ORC2: variants seen among roughly 807,000 people sequenced by gnomAD.
The protein encoded by ORC2 is origin recognition complex protein 2 homolog.
A neutral mutation model predicts 77.7 loss-of-function variants in ORC2; 37 were observed. That is an observed-to-expected ratio of 0.48 (90% CI 0.37 to 0.63). ORC2 has a LOEUF of 0.63. Among genes scored for constraint, ORC2 ranks in the 20% least tolerant of loss-of-function variants. The pLI is 0.00. For missense variants in ORC2, 557 were observed against 661.9 expected (o/e 0.84, Z 1.74); for synonymous variants, 201 against 229.5 (o/e 0.88, Z 1.12).
At chr2:200,914,484 AAAG>A (rs1409631461) in intron 15 of ORC2, among the ~76,000 whole-genome samples, 1 of 152,020 alleles carries the variant, frequency 6.6e-6, no homozygotes, top group Admixed American at 6.6e-5. Flanking sequence ...TATTTCTTCT[AAAG>A]AAAAATATAG....
At position 200,916,993 on chromosome 2, in the gene ORC2, C is replaced by CTTTTT. The variant is rs1165127308; in HGVS notation, c.1467-3006_1467-3002dup. ...ACAGGTGTGAGCCACTGTGCCCCACCTTTTTTTTTTTTTTTTTTTGAGACA... is the reference window on the plus strand; with the variant it reads ...ACAGGTGTGAGCCACTGTGCCCCACCTTTTTTTTTTTTTTTTTTTTTTTTGAGACA... On this transcript the variant is annotated intron_variant, in intron 15 of 17. Coordinates refer to ENST00000234296, the MANE Select transcript of ORC2 (RefSeq NM_006190.5). 3.8e-5 allele frequency among the ~76,000 whole-genome samples: 4 copies of CTTTTT among 105,580 alleles called. 1 individual carries two copies. Among genetic ancestry groups the CTTTTT allele is most frequent in the African/African-American group, 1.6e-4 (4 of 24,796 alleles). The allele number at this position is 105,580 out of a possible 152,430, so 69.3% of individuals were successfully genotyped here. A position where few individuals can be genotyped will look rare whatever the true frequency, so the allele number is the denominator to read the frequency against.
intron 15 of ORC2, among the ~76,000 whole-genome samples, chr2:200,916,224 T>C (rs1172331879): frequency 6.6e-6 from 1 of 152,194 alleles, no homozygotes; most frequent in Non-Finnish European, 1.5e-5. Flanking sequence ...GGCTCATGCC[T>C]GTAATCCCAG....
intron 2 of ORC2, among the ~76,000 whole-genome samples, 187 bp downstream of exon 2, chr2:200,959,205 G>A (rs1051516899): frequency 2.0e-5 from 3 of 152,006 alleles, no homozygotes; most frequent in African/African-American, 7.3e-5. Context: ...CTGGTTCTGA[G>A]CTCCTGGAAT....
chr2:200,942,603 TCA>T lies in ORC2; in HGVS notation c.421+80_421+81del, dbSNP rs1575173672. 7.6e-6 allele frequency: 5 copies of T among 655,520 alleles called. No homozygotes were observed. In the East Asian group the frequency reaches 1.5e-4, roughly 20 times the overall value. 40.6% of individuals were successfully genotyped at this position (655,520 alleles called of 1,614,324 possible). On this transcript the variant is annotated intron_variant, in intron 6 of 17. Transcript: ENST00000234296. Reference sequence around the variant, plus strand: ...AAAAGAAGAAAATATATATAAAAATTCACAAACAAGGAAAAAAGTAACATGCT... The same window carrying T: ...AAAAGAAGAAAATATATATAAAAATTCAAACAAGGAAAAAAGTAACATGCT...
intron 17 of ORC2, 67 bp downstream of exon 17, chr2:200,913,228 A>G (rs557248708): frequency 2.5e-6 from 3 of 1,199,900 alleles, no homozygotes; most frequent in Admixed American, 2.2e-5. Flanking sequence ...AGTCAAACAT[A>G]TATGTGTCCT....
intron 15 of ORC2, among the ~76,000 whole-genome samples, chr2:200,916,365 C>G (rs894311107): frequency 2.0e-5 from 3 of 151,980 alleles, no homozygotes; most frequent in Non-Finnish European, 2.9e-5. Context: ...TGCCTCTAGT[C>G]CCCGCTACTT....
chr2:200,938,212 A>T (rs1214083263), intron 7 of ORC2, among the ~76,000 whole-genome samples: 1 of 152,194 alleles, frequency 6.6e-6, no homozygotes, highest in Non-Finnish European at 1.5e-5. Context: ...TATTTTTAGC[A>T]GAGACAGGGT....
Position 200,913,354 on chromosome 2 carries a change from G to T in ORC2, c.1588C>A (p.Leu530Met). 1.2e-6 allele frequency: 2 copies of T among 1,601,590 alleles called. No homozygotes were observed. The highest frequency in any genetic ancestry group is 2.2e-5 in the South Asian group (2 of 90,944). Reference protein sequence around the residue: ...CREAFLVNSDLTLRAQLTEFR... With the variant: ...CREAFLVNSDMTLRAQLTEFR... The stretch of plus-strand genomic sequence containing the variant: ...TCAGTTAACTGGGCCCGGAGTGTCA[G>T]ATCACTATTGACGAGGAATGCCTCC... Residue 530 changes from leucine (L) to methionine (M), a missense_variant, in exon 17 of 18, where the codon CTG (leucine) becomes ATG (methionine). Coordinates refer to ENST00000234296, the MANE Select transcript of ORC2 (RefSeq NM_006190.5).
chr2:200,944,313 A>G (rs1305485953), intron 5 of ORC2, among the ~76,000 whole-genome samples: 3 of 152,064 alleles, frequency 2.0e-5, no homozygotes, highest in African/African-American at 7.3e-5. Context: ...AGCTGGGATT[A>G]CACATGTGTG....
intron 4 of ORC2, among the ~76,000 whole-genome samples, chr2:200,954,036 CTT>C (rs530284196): frequency 5.0e-5 from 7 of 140,380 alleles, no homozygotes; most frequent in Admixed American, 7.1e-5. Flanking sequence ...CTTTCTTTTT[CTT>C]TTTTTTTTTT....
chr2:200,928,783 C>T (rs2040887264), intron 11 of ORC2, among the ~76,000 whole-genome samples: 1 of 150,462 alleles, frequency 6.6e-6, no homozygotes, highest in African/African-American at 2.4e-5. Flanking sequence ...CACTGCACTT[C>T]AGCCTGGGCA....
At chr2:200,926,212 A>G (rs2040836351) in intron 12 of ORC2, among the ~76,000 whole-genome samples, 1 of 152,218 alleles carries the variant, frequency 6.6e-6, no homozygotes, top group Non-Finnish European at 1.5e-5. Flanking sequence ...CAAGAACATG[A>G]GAAACATTAG....
At position 200,910,550 on chromosome 2, in the gene ORC2, A is replaced by G. The variant is rs2040533712; in HGVS notation, c.*751T>C. 6.6e-6 allele frequency: 1 copy of G among 152,194 alleles called. No individual in the cohort carries two copies. The allele number at this position is 152,194 out of a possible 1,614,324, so 9.4% of individuals were successfully genotyped here. On this transcript the variant is annotated 3_prime_UTR_variant, in exon 18 of 18. Coordinates refer to ENST00000234296, the MANE Select transcript of ORC2 (RefSeq NM_006190.5). ...TTACTAAAATGTAATTCAGGATTTT[A>G]TTTCTCTAGCCTGGCTTCTCACTGG...
intron 17 of ORC2, 58 bp downstream of exon 17, chr2:200,913,237 C>A: frequency 7.6e-7 from 1 of 1,312,642 alleles, no homozygotes; most frequent in South Asian, 1.3e-5. Flanking sequence ...TATATGTGTC[C>A]TTAAGTAAAT....
intron 10 of ORC2, among the ~76,000 whole-genome samples, chr2:200,932,326 AT>A (rs1428163037): frequency 7.0e-6 from 1 of 143,522 alleles, no homozygotes; most frequent in Non-Finnish European, 1.5e-5. Flanking sequence ...ATGTACTTTC[AT>A]TTCAAACTTT....
intron 5 of ORC2, among the ~76,000 whole-genome samples, chr2:200,946,318 T>C (rs1040303107): frequency 6.6e-5 from 10 of 152,096 alleles, no homozygotes; most frequent in African/African-American, 2.4e-4. Flanking sequence ...CAGAATAACA[T>C]ATGATTTTCT....
intron 10 of ORC2, among the ~76,000 whole-genome samples, chr2:200,933,494 G>C (rs1037100988): frequency 6.6e-6 from 1 of 152,148 alleles, no homozygotes; most frequent in African/African-American, 2.4e-5. Flanking sequence ...GATTATCATA[G>C]ATCCTGAAGA....
chr2:200,938,321 C>A (rs927896871), intron 7 of ORC2, among the ~76,000 whole-genome samples: 3 of 152,174 alleles, frequency 2.0e-5, no homozygotes, highest in African/African-American at 7.2e-5. Flanking sequence ...TGAGCCACAG[C>A]GCCCGGCCCA....
rs546613192 is a variant in ORC2 at position 200,927,888 on chromosome 2, G to A, written c.918-988C>T. Among the ~76,000 whole-genome samples, 4 of 150,906 alleles carry A rather than the reference G, an allele frequency of 2.7e-5. No homozygotes were observed. The South Asian group carries it at 8.4e-4, about 32-fold the overall frequency. ...ATTTTTATATTTTTAGTAGAGACGG[G>A]GTTTCACCATGTTGGTCTTGAACTC... On this transcript the variant is annotated intron_variant, in intron 11 of 17. Coordinates refer to ENST00000234296, the MANE Select transcript of ORC2 (RefSeq NM_006190.5).
Sources: gnomAD v4.1 joint callset for allele counts (sites outside exome capture counted in the v4.1 genomes callset) on GRCh38, gnomAD v4.1.1 for gene constraint, MANE v1.5 for transcripts, NCBI Gene and HGNC (gene_info 2026-07-23, HGNC 2026-07-21) for gene names.